Variants in RFX7 observed in about 807,000 individuals in gnomAD.
The protein encoded by RFX7 is DNA-binding protein RFX7.
In RFX7, 26 loss-of-function variants were observed where a neutral mutation model predicts 111.8. The ratio of observed to expected loss-of-function variants is 0.23; its 90% CI spans 0.17 to 0.32. The LOEUF is 0.32. Ranked by LOEUF, RFX7 falls within the 10% of genes least tolerant of loss-of-function variation. The pLI, the probability that RFX7 is intolerant of heterozygous loss-of-function variation, is 1.00. For missense variants in RFX7, 1,573 were observed against 1,772.9 expected (o/e 0.89, Z 2.02); for synonymous variants, 624 against 624.4 (o/e 1.00, Z 0.01).
At chr15:56,139,348 C>A (rs543006257) in intron 5 of RFX7, among the ~76,000 whole-genome samples, 43 of 152,244 alleles carry the variant, frequency 2.8e-4, no homozygotes, top group East Asian at 2.7e-3. Context: ...ATTCCCTTCT[C>A]GCTTCATTTC....
intron 2 of RFX7, among the ~76,000 whole-genome samples, chr15:56,182,293 T>C (rs1355775062): frequency 6.6e-6 from 1 of 152,162 alleles, no homozygotes; most frequent in African/African-American, 2.4e-5. Context: ...ACTGCTGTTT[T>C]AAAGGACAGA....
chr15:56,163,308 T>C (rs1163116725), intron 3 of RFX7, among the ~76,000 whole-genome samples: 1 of 152,134 alleles, frequency 6.6e-6, no homozygotes, highest in Non-Finnish European at 1.5e-5. Context: ...TACTCAAATT[T>C]ATTGCTGGGA....
At chr15:56,113,472 G>A (rs1485638242) in intron 5 of RFX7, among the ~76,000 whole-genome samples, 1 of 152,030 alleles carries the variant, frequency 6.6e-6, no homozygotes, top group African/African-American at 2.4e-5. Context: ...ACACAGGGAG[G>A]GGACCAACAC....
rs1482329060 is a variant in RFX7 at position 56,243,396 on chromosome 15, G to A, written c.-3+49C>T. 19 of 925,988 alleles carry A rather than the reference G, an allele frequency of 2.1e-5. No homozygotes were observed. In the African/African-American group the frequency reaches 3.1e-4, roughly 15 times the overall value. 57.4% of individuals were successfully genotyped at this position (925,988 alleles called of 1,614,324 possible). A position where few individuals can be genotyped will look rare whatever the true frequency, so the allele number is the denominator to read the frequency against. The stretch of plus-strand genomic sequence containing the variant: ...GGGAGAGGAGGAGGGGGAGGGGGAG[G>A]GGAAGAGGAGGAGGAGGAGGAAGGA... On this transcript the variant is annotated intron_variant, in intron 1 of 9. Transcript: ENST00000559447.
chr15:56,105,709 A>T (rs2041821523), intron 5 of RFX7, among the ~76,000 whole-genome samples: 1 of 152,150 alleles, frequency 6.6e-6, no homozygotes, highest in Admixed American at 6.5e-5. Context: ...CAAAAGAAGT[A>T]ATGTTAAGTA....
At chr15:56,213,748 CAAAATA>C (rs1478862239) in intron 2 of RFX7, among the ~76,000 whole-genome samples, 1 of 152,006 alleles carries the variant, frequency 6.6e-6, no homozygotes, top group African/African-American at 2.4e-5. Flanking sequence ...ACAATTATCC[CAAAATA>C]AAAAGTTCAA....
At chr15:56,225,740 C>T (rs923769785) in intron 2 of RFX7, among the ~76,000 whole-genome samples, 4 of 152,096 alleles carry the variant, frequency 2.6e-5, no homozygotes, top group Admixed American at 2.6e-4. Flanking sequence ...CTAGCATAAC[C>T]GTTTCCTTCT....
In RFX7 at chr15:56,220,478, C is replaced by T. The variant is rs187004400; in HGVS notation, c.161+22647G>A. On this transcript the variant is annotated intron_variant, in intron 2 of 9. Coordinates refer to ENST00000559447, the MANE Select transcript of RFX7 (RefSeq NM_022841.7). Reference sequence around the variant, plus strand: ...AACTCCTGACGTCAGGTGATCCACCCGCCTCGGCCTCTCAAAGTGTTGGGA... The same window carrying T: ...AACTCCTGACGTCAGGTGATCCACCTGCCTCGGCCTCTCAAAGTGTTGGGA... Among the ~76,000 whole-genome samples, 8 of 151,834 alleles carry T rather than the reference C, an allele frequency of 5.3e-5. No individual in the cohort carries two copies. The Middle Eastern group carries it at 0.01, about 195-fold the overall frequency.
At chr15:56,235,186 T>G (rs528645380) in intron 2 of RFX7, among the ~76,000 whole-genome samples, 1 of 152,064 alleles carries the variant, frequency 6.6e-6, no homozygotes, top group East Asian at 1.9e-4. Context: ...GTTGTTTTTT[T>G]TTTTTGAGAT....
At chr15:56,138,286 A>T (rs1423560463) in intron 5 of RFX7, among the ~76,000 whole-genome samples, 5 of 143,670 alleles carry the variant, frequency 3.5e-5, no homozygotes, top group East Asian at 2.2e-4. Context: ...TTGCTTTATG[A>T]ATCTGGGTGC....
chr15:56,200,211 A>G (rs938015525), intron 2 of RFX7, among the ~76,000 whole-genome samples: 1 of 152,200 alleles, frequency 6.6e-6, no homozygotes. Flanking sequence ...AACAGGAAAC[A>G]ATCTCCATAA....
chr15:56,174,156 T>C (rs2042876116), intron 3 of RFX7, among the ~76,000 whole-genome samples: 1 of 151,878 alleles, frequency 6.6e-6, no homozygotes, highest in African/African-American at 2.4e-5. Flanking sequence ...TGAGCGCCTA[T>C]AATCCCAGCT....
At chr15:56,225,330 T>C (rs1056374073) in intron 2 of RFX7, among the ~76,000 whole-genome samples, 3 of 152,248 alleles carry the variant, frequency 2.0e-5, no homozygotes, top group Non-Finnish European at 2.9e-5. Context: ...TAAAACCGGA[T>C]TTCTCTTGCT....
intron 2 of RFX7, among the ~76,000 whole-genome samples, chr15:56,232,456 A>C (rs2043571841): frequency 6.6e-6 from 1 of 152,084 alleles, no homozygotes; most frequent in South Asian, 2.1e-4. Flanking sequence ...TGGGTCTGTG[A>C]TGGGAGGGGC....
At chr15:56,224,048 T>G (rs915332422) in intron 2 of RFX7, among the ~76,000 whole-genome samples, 1 of 151,786 alleles carries the variant, frequency 6.6e-6, no homozygotes, top group Admixed American at 6.6e-5. Flanking sequence ...AAGGATAACC[T>G]TCAGGGATAG....
chr15:56,219,847 G>C (rs536140422), intron 2 of RFX7, among the ~76,000 whole-genome samples: 1 of 152,020 alleles, frequency 6.6e-6, no homozygotes, highest in Non-Finnish European at 1.5e-5. Context: ...TGTGTCTTTA[G>C]GGTAGAATGA....
chr15:56,169,250 A>G (rs1427082885), intron 3 of RFX7, among the ~76,000 whole-genome samples: 1 of 152,188 alleles, frequency 6.6e-6, no homozygotes, highest in East Asian at 1.9e-4. Flanking sequence ...TAGCCAGGTG[A>G]TTCCAAACTT....
intron 2 of RFX7, among the ~76,000 whole-genome samples, chr15:56,220,361 G>T (rs1567050925): frequency 1.3e-5 from 2 of 152,188 alleles, no homozygotes; most frequent in South Asian, 4.2e-4. Flanking sequence ...CTCCCAAGTA[G>T]CTGGGATTAC....
At position 56,094,955 on chromosome 15, in the gene RFX7, T is replaced by C. The variant is rs769531485; in HGVS notation, c.2773A>G (p.Met925Val). The part of the protein sequence containing the change: ...QSQSVTPGAP[M>V]SSHTSSTHFY... ...TGGGTGCTGGAAGTGTGAGATGACA[T>C]TGGAGCTCCTGGAGTTACTGACTGA... Residue 925 changes from methionine (M) to valine (V), a missense_variant, in exon 10 of 10, where the codon ATG becomes GTG. Transcript: ENST00000559447. The C allele has an allele frequency of 5.4e-5, 87 of 1,602,438 alleles. No individual in the cohort carries two copies. Among genetic ancestry groups the C allele is most frequent in the Middle Eastern group, 3.3e-4 (2 of 5,976 alleles).
Sources: gnomAD v4.1 joint callset for allele counts (sites outside exome capture counted in the v4.1 genomes callset) on GRCh38, gnomAD v4.1.1 for gene constraint, MANE v1.5 for transcripts, NCBI Gene and HGNC (gene_info 2026-07-23, HGNC 2026-07-21) for gene names.